The following SCLT1 variants were observed in gnomAD, a reference collection of about 807,000 sequenced individuals.
The protein encoded by SCLT1 is sodium channel-associated protein 1.
SCLT1 carries 78 observed loss-of-function variants against 112.8 expected under a neutral mutation model. The ratio of observed to expected loss-of-function variants is 0.69; its 90% CI spans 0.58 to 0.83. The LOEUF is 0.83. SCLT1 is among the 40% of genes least tolerant of loss of function. The probability of loss-of-function intolerance (pLI) is 0.00; values close to 1 mark genes in which losing one functional copy is unlikely to be tolerated. For missense variants in SCLT1, 747 were observed against 770.4 expected (o/e 0.97, Z 0.36); for synonymous variants, 257 against 254.7 (o/e 1.01, Z -0.09).
At chr4:128,940,578 A>G (rs935375042) in intron 17 of SCLT1, among the ~76,000 whole-genome samples, 14 of 152,156 alleles carry the variant, frequency 9.2e-5, no homozygotes, top group African/African-American at 3.4e-4. Flanking sequence ...ATGACAATAC[A>G]GTATCTTATT....
chr4:129,077,703 GA>G (rs1432008742), intron 2 of SCLT1, among the ~76,000 whole-genome samples: 1 of 152,150 alleles, frequency 6.6e-6, no homozygotes, highest in African/African-American at 2.4e-5. Context: ...ACAGTGATAA[GA>G]TATATGAGCT....
intron 18 of SCLT1, among the ~76,000 whole-genome samples, chr4:128,904,282 G>A (rs1734531727): frequency 6.6e-6 from 1 of 152,206 alleles, no homozygotes; most frequent in South Asian, 2.1e-4. Context: ...GTTCATCAGT[G>A]TCTCATACGT....
intron 1 of SCLT1, among the ~76,000 whole-genome samples, chr4:129,083,536 A>G (rs1752142406): frequency 6.6e-6 from 1 of 152,096 alleles, no homozygotes; most frequent in South Asian, 2.1e-4. Context: ...TCATGCCTAT[A>G]ATCTCACTGC....
chr4:129,061,577 TGAG>T (rs1222424023), intron 2 of SCLT1, among the ~76,000 whole-genome samples: 4 of 152,062 alleles, frequency 2.6e-5, no homozygotes, highest in African/African-American at 7.2e-5. Flanking sequence ...ATTGAGGCAT[TGAG>T]GAGATGTGAT....
chr4:129,029,375 T>C (rs1004643643), intron 5 of SCLT1, among the ~76,000 whole-genome samples: 8 of 151,894 alleles, frequency 5.3e-5, no homozygotes, highest in African/African-American at 1.7e-4. Flanking sequence ...ATGTCCTTTG[T>C]AGAGACATGG....
chr4:128,992,109 A>T, intron 9 of SCLT1, 58 bp downstream of exon 9: 1 of 1,131,118 alleles, frequency 8.8e-7, no homozygotes, highest in East Asian at 2.4e-5. Context: ...TAGCATCATC[A>T]GCTCCCCTGA....
chr4:128,920,199 C>T (rs1051104315), intron 18 of SCLT1, among the ~76,000 whole-genome samples: 1 of 152,180 alleles, frequency 6.6e-6, no homozygotes, highest in African/African-American at 2.4e-5. Flanking sequence ...CGATCCGCCA[C>T]AATCAAGTAA....
At chr4:128,958,791 C>A (rs1325231335) in intron 12 of SCLT1, among the ~76,000 whole-genome samples, 1 of 152,106 alleles carries the variant, frequency 6.6e-6, no homozygotes, top group South Asian at 2.1e-4. Flanking sequence ...ACCTTAGCAT[C>A]CCCACAGTTA....
intron 2 of SCLT1, among the ~76,000 whole-genome samples, chr4:129,067,569 G>A (rs894637544): frequency 6.6e-6 from 1 of 152,080 alleles, no homozygotes; most frequent in African/African-American, 2.4e-5. Context: ...GGAGTGCCAT[G>A]GAATGATCTC....
At chr4:129,057,845 AG>A (rs1240383246) in intron 2 of SCLT1, among the ~76,000 whole-genome samples, 2 of 151,396 alleles carry the variant, frequency 1.3e-5, no homozygotes, top group Non-Finnish European at 2.9e-5. Flanking sequence ...TCTACCTCCC[AG>A]GTTCAAGTGA....
chr4:128,901,054 G>A (rs1396304139), intron 18 of SCLT1, among the ~76,000 whole-genome samples: 2 of 152,142 alleles, frequency 1.3e-5, no homozygotes, highest in East Asian at 1.9e-4. Context: ...GGAGAAATAG[G>A]TACACTTTTA....
chr4:129,002,420 C>G (rs1352124231), intron 6 of SCLT1, among the ~76,000 whole-genome samples: 1 of 151,696 alleles, frequency 6.6e-6, no homozygotes. Context: ...AAGTATAATT[C>G]TAGAAGAAAT....
intron 18 of SCLT1, among the ~76,000 whole-genome samples, chr4:128,904,865 T>C (rs944794902): frequency 6.6e-6 from 1 of 152,258 alleles, no homozygotes; most frequent in Non-Finnish European, 1.5e-5. Context: ...TTTCAAATCT[T>C]TTCTCATTGT....
chr4:129,067,299 T>A (rs1161018568), intron 2 of SCLT1, among the ~76,000 whole-genome samples: 1 of 151,636 alleles, frequency 6.6e-6, no homozygotes, highest in Non-Finnish European at 1.5e-5. Context: ...TTTACCAACA[T>A]GGGAAGGATT....
At chr4:128,998,712 T>G (rs891981223) in intron 7 of SCLT1, among the ~76,000 whole-genome samples, 1 of 151,666 alleles carries the variant, frequency 6.6e-6, no homozygotes, top group Non-Finnish European at 1.5e-5. Context: ...ACAAATCAGA[T>G]TGATTACATG....
chr4:128,895,894 T>C (rs1733709391), intron 18 of SCLT1, among the ~76,000 whole-genome samples: 1 of 152,202 alleles, frequency 6.6e-6, no homozygotes, highest in South Asian at 2.1e-4. Context: ...GATTATATCC[T>C]CTGCCTGGCT....
Position 129,069,219 on chromosome 4 carries a change from A to G in SCLT1, c.102+13087T>C, listed in dbSNP as rs559390890. On this transcript the variant is annotated intron_variant, in intron 2 of 20. Transcript: ENST00000281142. ...AAATCAGGTAGTATGATGCCTCCAGATTTGTTCTTTTTGCTTAGTCCTGCT... is the reference window on the plus strand; with the variant it reads ...AAATCAGGTAGTATGATGCCTCCAGGTTTGTTCTTTTTGCTTAGTCCTGCT... Among the ~76,000 whole-genome samples the G allele has an allele frequency of 2.6e-5, 4 of 152,010 alleles. No individual in the cohort carries two copies. The South Asian group carries it at 8.3e-4, about 32-fold the overall frequency.
intron 18 of SCLT1, among the ~76,000 whole-genome samples, chr4:128,928,813 CAA>C (rs1049789291): frequency 6.3e-5 from 9 of 143,822 alleles, no homozygotes; most frequent in Middle Eastern, 3.5e-3. Flanking sequence ...GCCCGGGAAA[CAA>C]GAGCGAAACT....
chr4:129,074,199 CATTTT>C (rs1370028080), intron 2 of SCLT1, among the ~76,000 whole-genome samples: 1 of 152,098 alleles, frequency 6.6e-6, no homozygotes, highest in East Asian at 1.9e-4. Context: ...ACAATATGGT[CATTTT>C]ATTTTAACTT....
Sources: allele counts gnomAD v4.1 joint callset (sites outside exome capture counted in the v4.1 genomes callset), GRCh38; gene constraint gnomAD v4.1.1; transcripts MANE v1.5; gene names NCBI Gene and HGNC (gene_info 2026-07-23, HGNC 2026-07-21).